The following SLX9 variants were observed in gnomAD, a reference collection of about 807,000 sequenced individuals.
SLX9 encodes SLX9 ribosome biogenesis factor, also known as ribosome biogenesis protein SLX9 homolog.
In SLX9, 19 loss-of-function variants were observed where a neutral mutation model predicts 20.8. The observed-to-expected ratio is 0.91, with a 90% CI of 0.64 to 1.34. The LOEUF (loss-of-function observed/expected upper bound fraction) is 1.34, where lower values mean the gene tolerates loss of function less well. Among genes scored for constraint, SLX9 ranks in the 40% most tolerant of loss-of-function variants. The pLI is 0.00. For synonymous variants in SLX9, 113 were observed against 137.1 expected (o/e 0.82, Z 1.23); for missense variants, 299 against 322.2 (o/e 0.93, Z 0.55).
At position 44,976,902 on chromosome 21, in the gene SLX9, T is replaced by G. The variant is rs2085275345; in HGVS notation, c.*99T>G. The stretch of plus-strand genomic sequence containing the variant: ...CATGGCCTGAGCCTGGTGGACGCCC[T>G]TCCCTCTGGTCGGTTGTGGGGCTCA... On this transcript the variant is annotated 3_prime_UTR_variant, in exon 6 of 6. Transcript: ENST00000291634. The G allele has an allele frequency of 2.2e-5, 32 of 1,481,128 alleles. No individual in the cohort carries two copies. The South Asian group carries it at 2.8e-4, about 13-fold the overall frequency. 91.7% of individuals were successfully genotyped at this position (1,481,128 alleles called of 1,614,324 possible). A position where few individuals can be genotyped will look rare whatever the true frequency, so the allele number is the denominator to read the frequency against.
chr21:44,950,459 C>T (rs1298095670), intron 2 of SLX9, among the ~76,000 whole-genome samples: 2 of 152,220 alleles, frequency 1.3e-5, no homozygotes, highest in African/African-American at 2.4e-5. Flanking sequence ...GCCTTGGCTG[C>T]GTGGTGCGGC....
intron 1 of SLX9, among the ~76,000 whole-genome samples, chr21:44,941,293 A>C (rs549921870): frequency 2.6e-5 from 4 of 152,116 alleles, no homozygotes; most frequent in Admixed American, 1.3e-4. Context: ...GCCTTCTTTG[A>C]ATGTATCACT....
intron 1 of SLX9, among the ~76,000 whole-genome samples, chr21:44,941,634 C>T (rs2084551156): frequency 1.3e-5 from 2 of 152,182 alleles, no homozygotes; most frequent in Admixed American, 6.5e-5. Context: ...TTTTGACCTT[C>T]ATTTCTGCCC....
upstream of SLX9, chr21:44,939,763 C>A: frequency 3.7e-6 from 2 of 544,144 alleles, no homozygotes; most frequent in East Asian, 8.2e-5. Context: ...TCCTCTCCAT[C>A]CCCGACCTTG....
At chr21:44,974,670 A>T (rs1018342356) in intron 5 of SLX9, among the ~76,000 whole-genome samples, 4 of 152,126 alleles carry the variant, frequency 2.6e-5, no homozygotes, top group African/African-American at 9.7e-5. Flanking sequence ...GGCTGCAGCG[A>T]TCCTCCTGCC....
chr21:44,968,098 C>T (rs1357501472), intron 4 of SLX9, among the ~76,000 whole-genome samples: 7 of 152,098 alleles, frequency 4.6e-5, no homozygotes, highest in African/African-American at 1.7e-4. Context: ...GGGGCCCCTC[C>T]ACCCCCCTGC....
chr21:44,940,424 A>G (rs1285767306), intron 1 of SLX9, among the ~76,000 whole-genome samples: 1 of 152,232 alleles, frequency 6.6e-6, no homozygotes, highest in East Asian at 1.9e-4. Flanking sequence ...GGAGAGAGCC[A>G]GGAACCTCCC....
rs1471630045 is a variant in SLX9 at position 44,976,797 on chromosome 21, G to A, written c.687G>A (p.Gln229=). ...ARQMQLEDGG[Q]L The stretch of plus-strand genomic sequence containing the variant: ...AGATGCAGCTGGAAGATGGCGGCCA[G>A]CTCTGACCAGGGCAGCGGGCATGCC... The change falls in exon 6 of 6, where the codon CAG becomes CAA. Residue 229 remains glutamine (Q), a synonymous_variant. Coordinates refer to ENST00000291634, the MANE Select transcript of SLX9 (RefSeq NM_058190.4). 2.2e-5 allele frequency: 34 copies of A among 1,543,302 alleles called. No individual in the cohort carries two copies. The highest frequency in any genetic ancestry group is 2.9e-5 in the Non-Finnish European group (33 of 1,148,368).
chr21:44,940,027 C>A (rs993222631), upstream of SLX9: 2 of 1,400,868 alleles, frequency 1.4e-6, no homozygotes, highest in South Asian at 1.6e-5. Flanking sequence ...CCGGGAGGCG[C>A]TCCGCACGTT....
intron 3 of SLX9, among the ~76,000 whole-genome samples, chr21:44,966,209 G>A (rs1455129840): frequency 1.3e-5 from 2 of 152,180 alleles, no homozygotes; most frequent in Non-Finnish European, 2.9e-5. Context: ...TGAGAGGGGC[G>A]CCGCTGTCCC....
intron 4 of SLX9, 57 bp from the exon 5 acceptor site, chr21:44,973,140 G>A (rs1202314020): frequency 8.1e-6 from 13 of 1,596,776 alleles, no homozygotes; most frequent in South Asian, 3.3e-5. Context: ...CTCTGCCCAC[G>A]GGAAGGTGTT....
intron 4 of SLX9, among the ~76,000 whole-genome samples, chr21:44,970,268 C>T (rs550214186): frequency 4.6e-5 from 7 of 152,354 alleles, no homozygotes; most frequent in African/African-American, 1.4e-4. Flanking sequence ...GCTCATGCGC[C>T]GGTGTTGGTC....
rs138656687 is a variant in SLX9 at position 44,956,916 on chromosome 21, C to A, written c.284-3184C>A. On this transcript the variant is annotated intron_variant, in intron 2 of 5. Coordinates refer to ENST00000291634, the MANE Select transcript of SLX9 (RefSeq NM_058190.4). ...TGTTCCCGGGGCCCCTTTGTTAGAG[C>A]GCAAGAGCCCAGGCAGCACCGTGGC... Among the ~76,000 whole-genome samples, 9 of 152,348 alleles carry A rather than the reference C, an allele frequency of 5.9e-5. No homozygotes were observed. The East Asian group carries it at 1.5e-3, about 26-fold the overall frequency.
At chr21:44,959,399 C>T (rs1284383328) in intron 2 of SLX9, 3 of 309,046 alleles carry the variant, frequency 9.7e-6, no homozygotes, top group African/African-American at 2.3e-5. Flanking sequence ...GAGTCAGAGA[C>T]GCAGCACCCA....
At chr21:44,957,440 G>A (rs894652959) in intron 2 of SLX9, among the ~76,000 whole-genome samples, 3 of 152,200 alleles carry the variant, frequency 2.0e-5, no homozygotes, top group Admixed American at 1.3e-4. Context: ...GCAAGGGCAC[G>A]GCTTCTCCTC....
intron 2 of SLX9, among the ~76,000 whole-genome samples, chr21:44,946,440 A>C (rs968623032): frequency 1.3e-5 from 2 of 150,898 alleles, no homozygotes; most frequent in Admixed American, 6.6e-5. Context: ...GATGGGAATT[A>C]TTTGAGCCGT....
At chr21:44,969,307 T>G in intron 4 of SLX9, 1 of 431,144 alleles carries the variant, frequency 2.3e-6, no homozygotes, top group Non-Finnish European at 5.0e-6. Context: ...ACATTCCTGG[T>G]TCTTGGACAA....
chr21:44,949,895 C>G (rs577689746), intron 2 of SLX9, among the ~76,000 whole-genome samples: 142 of 152,306 alleles, frequency 9.3e-4, no homozygotes, highest in African/African-American at 3.4e-3. Flanking sequence ...AGGGCGCGAC[C>G]TTGGCTTCCT....
intron 5 of SLX9, among the ~76,000 whole-genome samples, chr21:44,975,107 TC>T (rs1385381879): frequency 6.6e-6 from 1 of 152,212 alleles, no homozygotes; most frequent in Non-Finnish European, 1.5e-5. Context: ...AGAGGTCTGT[TC>T]CCTTTCATGT....
Sources: gnomAD v4.1 joint callset for allele counts (sites outside exome capture counted in the v4.1 genomes callset) on GRCh38, gnomAD v4.1.1 for gene constraint, MANE v1.5 for transcripts, NCBI Gene and HGNC (gene_info 2026-07-23, HGNC 2026-07-21) for gene names.